COBLL1: variants seen among roughly 807,000 people sequenced by gnomAD.
The protein encoded by COBLL1 is cordon-bleu WH2 repeat protein like 1.
Under a neutral mutation model 94.8 loss-of-function variants are expected in COBLL1, and 50 were observed. The ratio of observed to expected loss-of-function variants is 0.53; its 90% confidence interval spans 0.42 to 0.67. COBLL1 has a LOEUF of 0.67. Among genes scored for constraint, COBLL1 ranks in the 30% least tolerant of loss-of-function variants. The pLI is 0.00. For missense variants in COBLL1, 1,362 were observed against 1,348.7 expected, an observed-to-expected ratio of 1.01 and a Z score of -0.15; for synonymous variants, 448 against 473.8, an observed-to-expected ratio of 0.95 and a Z score of 0.71.
intron 2 of COBLL1, among the ~76,000 whole-genome samples, chr2:164,658,193 C>T (rs1038926372): frequency 6.6e-6 from 1 of 152,146 alleles, no homozygotes; most frequent in Admixed American, 6.5e-5. Context: ...ACCTTCCCAG[C>T]TAGGCTTAGG....
chr2:164,793,469 C>A (rs542158946), intron 2 of COBLL1, among the ~76,000 whole-genome samples: 2 of 152,032 alleles, frequency 1.3e-5, no homozygotes, highest in South Asian at 2.1e-4. Flanking sequence ...TTTTGACATA[C>A]GTTTTACTGT....
chr2:164,667,717 T>C (rs755781265), intron 1 of COBLL1, among the ~76,000 whole-genome samples: 3 of 152,212 alleles, frequency 2.0e-5, no homozygotes, highest in Non-Finnish European at 4.4e-5. Flanking sequence ...TTCATAGAAT[T>C]GACGAGAGAG....
At chr2:164,746,774 A>G (rs1686878824) in intron 2 of COBLL1, among the ~76,000 whole-genome samples, 1 of 151,736 alleles carries the variant, frequency 6.6e-6, no homozygotes, top group South Asian at 2.1e-4. Context: ...CCTATCTAAC[A>G]CTTTCTCCCT....
chr2:164,758,447 A>G (rs1375621768), intron 2 of COBLL1, among the ~76,000 whole-genome samples: 1 of 152,128 alleles, frequency 6.6e-6, no homozygotes, highest in East Asian at 1.9e-4. Flanking sequence ...AACCCAAACC[A>G]CAAAACCATG....
rs1204507901 is a variant in COBLL1 at position 164,683,032 on chromosome 2, A to ACACACG, written c.*2913_*2914insCGTGTG. The ACACACG allele has an allele frequency of 1.3e-5, 2 of 152,646 alleles. No individual in the cohort carries two copies. Among genetic ancestry groups the ACACACG allele is most frequent in the Non-Finnish European group, 1.5e-5 (1 of 68,700 alleles). 9.5% of individuals were successfully genotyped at this position (152,646 alleles called of 1,614,324 possible). A position where few individuals can be genotyped will look rare whatever the true frequency, so the allele number is the denominator to read the frequency against. On this transcript the variant is annotated 3_prime_UTR_variant, in exon 14 of 14. Coordinates refer to ENST00000652658, the MANE Select transcript of COBLL1 (RefSeq NM_001365672.2). ...CACACACACACACACACACACACACACACACACAAAAGCCCCCAACAAACC... is the reference window on the plus strand; with the variant it reads ...CACACACACACACACACACACACACACACACGCACACACAAAAGCCCCCAACAAACC...
In COBLL1 at chr2:164,684,763, A is replaced by T. The variant is rs904603661; in HGVS notation, c.*1183T>A. 5.9e-5 allele frequency: 9 copies of T among 152,254 alleles called. No homozygotes were observed. The highest frequency in any genetic ancestry group is 2.2e-4 in the African/African-American group (9 of 41,560). The allele number at this position is 152,254 out of a possible 1,614,324, so 9.4% of individuals were successfully genotyped here. The stretch of plus-strand genomic sequence containing the variant: ...ACTATATATTTTAAAAAGCACCCCA[A>T]ATATACAACTTGCTTTTATTAAATT... On this transcript the variant is annotated 3_prime_UTR_variant, in exon 14 of 14. Transcript: ENST00000652658.
intron 7 of COBLL1, among the ~76,000 whole-genome samples, chr2:164,712,975 T>G (rs571490738): frequency 6.6e-6 from 1 of 152,150 alleles, no homozygotes; most frequent in Non-Finnish European, 1.5e-5. Context: ...AAATTTTGGC[T>G]TGTATTGTAT....
chr2:164,727,172 T>C (rs1233525831), intron 5 of COBLL1: 1 of 1,333,222 alleles, frequency 7.5e-7, no homozygotes, highest in Non-Finnish European at 1.0e-6. Context: ...TAAAAGAGGG[T>C]AAATTGACTG....
intron 2 of COBLL1, among the ~76,000 whole-genome samples, chr2:164,749,972 A>G (rs548887745): frequency 1.3e-3 from 198 of 152,216 alleles, no homozygotes; most frequent in African/African-American, 4.6e-3. Flanking sequence ...TTCCTTCTTC[A>G]CTGCCACTCC....
intron 11 of COBLL1, 98 bp downstream of exon 11, chr2:164,699,307 C>T (rs1449983606): frequency 1.1e-5 from 9 of 787,252 alleles, no homozygotes; most frequent in Admixed American, 5.3e-5. Context: ...AAGTGAGTTA[C>T]AGGAGATTAA....
chr2:164,811,733 G>C (rs1684468968), intron 2 of COBLL1, among the ~76,000 whole-genome samples: 1 of 151,810 alleles, frequency 6.6e-6, no homozygotes, highest in Admixed American at 6.6e-5. Flanking sequence ...AGCCAAAAAA[G>C]TATATTTAGG....
intron 2 of COBLL1, among the ~76,000 whole-genome samples, chr2:164,757,868 G>A (rs1187620691): frequency 6.6e-6 from 1 of 151,548 alleles, no homozygotes; most frequent in Admixed American, 6.6e-5. Flanking sequence ...CCATAAATAA[G>A]AAATTTCAGT....
At position 164,841,450 on chromosome 2, in the gene COBLL1, C is replaced by T. The variant is rs1299169520; in HGVS notation, c.-50-204G>A. On this transcript the variant is annotated intron_variant, in intron 1 of 13. Coordinates refer to ENST00000652658, the MANE Select transcript of COBLL1 (RefSeq NM_001365672.2). The surrounding 1 kb of genome is among the most constrained non-coding windows in gnomAD (Gnocchi z 5.5). ...CAAGGTCTAGCGGGCGCCCAGAGCA[C>T]GGCGGAGGAGGCGGTGGCGCTGCAG... The T allele has an allele frequency of 7.0e-6, 8 of 1,148,456 alleles. No homozygotes were observed. Among genetic ancestry groups the T allele is most frequent in the Non-Finnish European group, 8.6e-6 (8 of 935,300 alleles). 71.1% of individuals were successfully genotyped at this position (1,148,456 alleles called of 1,614,324 possible).
chr2:164,671,309 TTG>T (rs1442084553), intron 1 of COBLL1, among the ~76,000 whole-genome samples: 1 of 152,204 alleles, frequency 6.6e-6, no homozygotes, highest in African/African-American at 2.4e-5. Flanking sequence ...TTTTGTTTTT[TTG>T]TCTTTTTTTA....
intron 2 of COBLL1, among the ~76,000 whole-genome samples, chr2:164,751,568 A>G (rs981585756): frequency 4.6e-5 from 7 of 152,150 alleles, no homozygotes; most frequent in African/African-American, 1.7e-4. Context: ...TTTGGTCTAC[A>G]TTTAATCTTA....
intron 2 of COBLL1, among the ~76,000 whole-genome samples, chr2:164,744,630 C>A (rs976621470): frequency 6.6e-6 from 1 of 152,048 alleles, no homozygotes; most frequent in Non-Finnish European, 1.5e-5. Context: ...GTCCAGCCTG[C>A]GCAACATGGT....
intron 2 of COBLL1, among the ~76,000 whole-genome samples, chr2:164,806,619 G>A (rs1684169046): frequency 6.6e-6 from 1 of 152,050 alleles, no homozygotes; most frequent in Non-Finnish European, 1.5e-5. Context: ...GCCTTTGGAG[G>A]GTAGCCCTTT....
At chr2:164,731,325 G>A (rs1045050067) in intron 3 of COBLL1, among the ~76,000 whole-genome samples, 6 of 152,158 alleles carry the variant, frequency 3.9e-5, no homozygotes, top group African/African-American at 1.4e-4. Context: ...AATACTATTG[G>A]TAATACAGGA....
intron 2 of COBLL1, among the ~76,000 whole-genome samples, chr2:164,807,504 T>TAA (rs2105333080): frequency 6.6e-6 from 1 of 152,238 alleles, no homozygotes; most frequent in Non-Finnish European, 1.5e-5. Flanking sequence ...AATTACTACT[T>TAA]ATATGTGTAT....
Sources: allele counts gnomAD v4.1 joint callset (sites outside exome capture counted in the v4.1 genomes callset), GRCh38; gene constraint gnomAD v4.1.1; non-coding constraint Gnocchi (gnomAD v3.1); transcripts MANE v1.5; gene names NCBI Gene and HGNC (gene_info 2026-07-23, HGNC 2026-07-21).